Variants in FRK observed in about 807,000 individuals in gnomAD.
The protein encoded by FRK is tyrosine-protein kinase FRK.
Under a neutral mutation model 56.4 loss-of-function variants are expected in FRK, and 51 were observed. That is an observed-to-expected ratio of 0.90 (90% CI 0.72 to 1.14). FRK has a LOEUF of 1.14. Among genes scored for constraint, FRK ranks in the 50% most tolerant of loss-of-function variants. The pLI is 0.00. For missense variants in FRK, 570 were observed against 601.4 expected (o/e 0.95, Z 0.55); for synonymous variants, 245 against 217.9 (o/e 1.12, Z -1.10).
At chr6:116,100,703 C>T in the FRK span, 1 of 339,670 alleles carries the variant, frequency 2.9e-6, no homozygotes, top group Non-Finnish European at 5.3e-6. Context: ...GAGCTGACTA[C>T]CTGACTCCGG....
the FRK span, among the ~76,000 whole-genome samples, chr6:116,089,774 G>C: frequency 6.6e-6 from 1 of 152,098 alleles, no homozygotes; most frequent in Non-Finnish European, 1.5e-5. Flanking sequence ...CTATCACCAA[G>C]TATCATCACA....
chr6:115,973,206 T>C (rs983576303), intron 2 of FRK, among the ~76,000 whole-genome samples: 1 of 152,196 alleles, frequency 6.6e-6, no homozygotes, highest in South Asian at 2.1e-4. Flanking sequence ...AATTGCCCTA[T>C]ATAATAATCA....
At chr6:116,049,636 C>A (rs187717539) in intron 1 of FRK, among the ~76,000 whole-genome samples, 10 of 152,130 alleles carry the variant, frequency 6.6e-5, no homozygotes, top group Non-Finnish European at 8.8e-5. Flanking sequence ...GTTGTGTGGA[C>A]GTAAGCAGTT....
rs572433031 is a variant in FRK, at chr6:116,049,958, A to G, written c.344+10010T>C. ...CCCCAAATCAGGACTGATCTCTTCT[A>G]TCTCTGCACTCATTCTTCCAACTAT... On this transcript the variant is annotated intron_variant, in intron 1 of 7. Coordinates refer to ENST00000606080, the MANE Select transcript of FRK (RefSeq NM_002031.3). 1.1e-4 allele frequency among the ~76,000 whole-genome samples: 16 copies of G among 152,320 alleles called. No homozygotes were observed. In the South Asian group the frequency reaches 2.9e-3, roughly 28 times the overall value.
intron 2 of FRK, among the ~76,000 whole-genome samples, chr6:115,975,910 CAATA>C (rs1351855185): frequency 1.3e-5 from 2 of 152,086 alleles, no homozygotes; most frequent in Non-Finnish European, 2.9e-5. Context: ...ATCAGGAATA[CAATA>C]AATGTTGGTT....
chr6:115,969,445 G>T (rs561961126), intron 2 of FRK, among the ~76,000 whole-genome samples: 156 of 152,286 alleles, frequency 1.0e-3, no homozygotes, highest in African/African-American at 3.7e-3. Flanking sequence ...AGTCTGGCTT[G>T]CAGTGGCTAT....
At chr6:116,080,067 T>G in the FRK span, among the ~76,000 whole-genome samples, 3 of 152,164 alleles carry the variant, frequency 2.0e-5, no homozygotes, top group Admixed American at 2.0e-4. Flanking sequence ...ATAATAAAAG[T>G]ATTTGAGTTA....
At chr6:116,024,306 G>A (rs967243271) in intron 1 of FRK, among the ~76,000 whole-genome samples, 3 of 150,902 alleles carry the variant, frequency 2.0e-5, no homozygotes, top group Non-Finnish European at 2.9e-5. Context: ...GGGTACATGT[G>A]CACAATGTGC....
chr6:116,044,173 C>G (rs1033918018), intron 1 of FRK, among the ~76,000 whole-genome samples: 1 of 152,182 alleles, frequency 6.6e-6, no homozygotes, highest in Non-Finnish European at 1.5e-5. Flanking sequence ...GAAGCTGGTA[C>G]CATTCCTTCT....
At chr6:116,015,729 T>G (rs1165225798) in intron 1 of FRK, among the ~76,000 whole-genome samples, 2 of 152,170 alleles carry the variant, frequency 1.3e-5, no homozygotes, top group Non-Finnish European at 2.9e-5. Flanking sequence ...TAAAGGTCAC[T>G]CATGCTATGC....
chr6:115,985,813 G>C (rs1189263386), intron 2 of FRK, among the ~76,000 whole-genome samples: 2 of 151,730 alleles, frequency 1.3e-5, no homozygotes, highest in African/African-American at 4.8e-5. Flanking sequence ...CGCAGTGGAT[G>C]CCCAGAGCTT....
At chr6:116,097,823 C>A in the FRK span, among the ~76,000 whole-genome samples, 139 of 152,274 alleles carry the variant, frequency 9.1e-4, no homozygotes, top group Middle Eastern at 3.4e-3. Flanking sequence ...CAAAAGTACC[C>A]AACTTCAAGA....
chr6:116,012,829 G>C (rs1435995042), intron 1 of FRK, among the ~76,000 whole-genome samples: 1 of 152,168 alleles, frequency 6.6e-6, no homozygotes, highest in Non-Finnish European at 1.5e-5. Context: ...AGTTTCTAAT[G>C]TTAATTGGCC....
chr6:115,956,216 A>G (rs995688030), intron 5 of FRK, among the ~76,000 whole-genome samples: 4 of 152,184 alleles, frequency 2.6e-5, no homozygotes, highest in Admixed American at 2.6e-4. Flanking sequence ...CAATTACCCT[A>G]ATATATCTGT....
intron 2 of FRK, among the ~76,000 whole-genome samples, chr6:115,983,527 T>C (rs1774285044): frequency 6.6e-6 from 1 of 152,206 alleles, no homozygotes; most frequent in South Asian, 2.1e-4. Context: ...ACCATGACTC[T>C]ATTTTCCTCA....
At chr6:116,039,440 T>C in intron 1 of FRK, 1 of 1,574,166 alleles carries the variant, frequency 6.4e-7, no homozygotes. Context: ...GGCTTCCTCG[T>C]GGGTGATGCT....
intron 2 of FRK, among the ~76,000 whole-genome samples, chr6:116,000,969 G>C (rs1021439374): frequency 6.6e-6 from 1 of 152,148 alleles, no homozygotes; most frequent in Admixed American, 6.5e-5. Flanking sequence ...GCCGGGCGTG[G>C]TGGTTCACGC....
chr6:115,956,486 C>G lies in FRK; in HGVS notation c.924G>C (p.Leu308Phe). The G allele has an allele frequency of 1.3e-6, 2 of 1,565,250 alleles. No homozygotes were observed. Among genetic ancestry groups the G allele is most frequent in the Non-Finnish European group, 1.7e-6 (2 of 1,156,194 alleles). The change falls in exon 5 of 8, where the codon TTG becomes TTC. Residue 308 changes from leucine (L) to phenylalanine (F), a missense_variant. Leu to Phe is a conservative substitution (Grantham distance 22). Coordinates refer to ENST00000606080, the MANE Select transcript of FRK (RefSeq NM_002031.3). ...LEDPIYIITE[L>F]MRHGSLQEYL... ...ATTCTTGCAGACTTCCATGTCTCATCAACTCTGTAATAATATAAATTGGAT... is the reference window on the plus strand; with the variant it reads ...ATTCTTGCAGACTTCCATGTCTCATGAACTCTGTAATAATATAAATTGGAT...
chr6:116,024,890 A>C (rs533261967), intron 1 of FRK, among the ~76,000 whole-genome samples: 4 of 152,278 alleles, frequency 2.6e-5, no homozygotes, highest in Admixed American at 2.6e-4. Flanking sequence ...CAACAGTATA[A>C]AAGTGTTCCT....
Sources: allele counts gnomAD v4.1 joint callset (sites outside exome capture counted in the v4.1 genomes callset), GRCh38; gene constraint gnomAD v4.1.1; transcripts MANE v1.5; gene names NCBI Gene and HGNC (gene_info 2026-07-23, HGNC 2026-07-21).